The following CHODL variants were observed in gnomAD, a reference collection of about 807,000 sequenced individuals.
CHODL encodes transmembrane protein MT75.
In CHODL, 29 loss-of-function variants were observed where a neutral mutation model predicts 34.5. The ratio of observed to expected loss-of-function variants is 0.84; its 90% CI spans 0.63 to 1.15. The LOEUF (loss-of-function observed/expected upper bound fraction) is 1.15. Among genes scored for constraint, CHODL ranks in the 50% most tolerant of loss-of-function variants. The pLI, the probability that CHODL is intolerant of heterozygous loss-of-function variation, is 0.00. For missense variants in CHODL, 332 were observed against 332.5 expected, an observed-to-expected ratio of 1.00 and a Z score of 0.01; for synonymous variants, 125 against 116.1, an observed-to-expected ratio of 1.08 and a Z score of -0.49.
intron 1 of CHODL, among the ~76,000 whole-genome samples, chr21:18,254,127 T>C (rs1374208052): frequency 1.4e-5 from 2 of 144,324 alleles, no homozygotes; most frequent in African/African-American, 5.6e-5. Flanking sequence ...AGTACAAAGT[T>C]TGAATGCTTT....
At chr21:17,956,288 C>G (rs530485234) in intron 1 of CHODL, among the ~76,000 whole-genome samples, 1 of 124,378 alleles carries the variant, frequency 8.0e-6, no homozygotes, top group Non-Finnish European at 1.8e-5. Flanking sequence ...CACTCTCTCT[C>G]TCATGCTTCT....
chr21:17,960,069 C>T (rs371453036), intron 1 of CHODL, among the ~76,000 whole-genome samples: 22 of 152,124 alleles, frequency 1.4e-4, no homozygotes, highest in African/African-American at 5.1e-4. Context: ...GATGACGTAG[C>T]TGGGTATAAT....
rs150339025 is a variant in CHODL at position 18,265,361 on chromosome 21, C to T, written c.738-593C>T. ...TCATCCATACAAAGGAGTGAATTAA[C>T]GGCATTCACAGCGACCTGGGTAATA... On this transcript the variant is annotated intron_variant, in intron 5 of 5. Transcript: ENST00000299295. 9.9e-3 allele frequency among the ~76,000 whole-genome samples: 1,501 copies of T among 151,074 alleles called. 11 individuals are homozygous for T. The highest frequency in any genetic ancestry group is 0.016 in the Non-Finnish European group (1,092 of 67,828).
intron 1 of CHODL, among the ~76,000 whole-genome samples, chr21:18,252,825 T>C (rs1257451121): frequency 6.6e-6 from 1 of 152,000 alleles, no homozygotes; most frequent in Non-Finnish European, 1.5e-5. Context: ...GCTGTCTTGA[T>C]GCCCTGAGAG....
At chr21:17,945,632 A>G (rs150262492) in intron 1 of CHODL, among the ~76,000 whole-genome samples, 1 of 152,320 alleles carries the variant, frequency 6.6e-6, no homozygotes, top group East Asian at 1.9e-4. Flanking sequence ...AAACCTTTCA[A>G]TCACAGGAAT....
At chr21:18,047,639 T>A (rs1454408860) in intron 2 of CHODL, among the ~76,000 whole-genome samples, 2 of 151,896 alleles carry the variant, frequency 1.3e-5, no homozygotes, top group Non-Finnish European at 2.9e-5. Flanking sequence ...AAAACAACAG[T>A]ACTGGGAAAC....
At chr21:18,106,375 C>T (rs772178193) in intron 2 of CHODL, among the ~76,000 whole-genome samples, 14 of 152,114 alleles carry the variant, frequency 9.2e-5, no homozygotes, top group Non-Finnish European at 1.8e-4. Flanking sequence ...CCTTGAAGGC[C>T]CTTGGTCGGT....
intron 2 of CHODL, among the ~76,000 whole-genome samples, chr21:18,040,043 C>T (rs2064356209): frequency 6.6e-6 from 1 of 151,822 alleles, no homozygotes; most frequent in Non-Finnish European, 1.5e-5. Flanking sequence ...TAACTTCACT[C>T]AGAACATTCT....
In CHODL at chr21:18,267,112, G is replaced by T. The variant is rs1408830697; in HGVS notation, c.*1074G>T. On this transcript the variant is annotated 3_prime_UTR_variant, in exon 6 of 6. Coordinates refer to ENST00000299295, the MANE Select transcript of CHODL (RefSeq NM_024944.3). ...CAGGTGAATAGTCACTATCAGTGTGGAGACAAGCACAGCACACAGACATTT... is the reference window on the plus strand; with the variant it reads ...CAGGTGAATAGTCACTATCAGTGTGTAGACAAGCACAGCACACAGACATTT... The T allele has an allele frequency of 6.6e-6, 1 of 152,232 alleles. No individual in the cohort carries two copies. Among genetic ancestry groups the T allele is most frequent in the Non-Finnish European group, 1.5e-5 (1 of 68,056 alleles). 9.4% of individuals were successfully genotyped at this position (152,232 alleles called of 1,614,324 possible).
At chr21:17,947,834 A>G (rs1046456824) in intron 1 of CHODL, among the ~76,000 whole-genome samples, 3 of 152,164 alleles carry the variant, frequency 2.0e-5, no homozygotes, top group Non-Finnish European at 4.4e-5. Flanking sequence ...ATCATTACAT[A>G]AAAACCGTGC....
chr21:18,053,140 C>T (rs2064536787), intron 2 of CHODL, among the ~76,000 whole-genome samples: 1 of 151,578 alleles, frequency 6.6e-6, no homozygotes. Flanking sequence ...CAGGAAGAGA[C>T]CAATTCTGAA....
chr21:18,090,828 A>T (rs2065064497), intron 2 of CHODL, among the ~76,000 whole-genome samples: 1 of 152,066 alleles, frequency 6.6e-6, no homozygotes, highest in African/African-American at 2.4e-5. Context: ...GTCTCCACTG[A>T]TGGAACACCA....
chr21:18,141,909 T>A (rs1340749473), intron 2 of CHODL, among the ~76,000 whole-genome samples: 1 of 152,082 alleles, frequency 6.6e-6, no homozygotes, highest in African/African-American at 2.4e-5. Flanking sequence ...CAGGTATTAT[T>A]GATTACTGTG....
chr21:18,000,077 C>A (rs75054033), intron 1 of CHODL, among the ~76,000 whole-genome samples: 6 of 152,106 alleles, frequency 3.9e-5, no homozygotes, highest in African/African-American at 1.4e-4. Context: ...ACACTTAAAG[C>A]GATTGCTAAA....
chr21:18,186,222 G>A (rs904215606), intron 2 of CHODL, among the ~76,000 whole-genome samples: 2 of 152,010 alleles, frequency 1.3e-5, no homozygotes, highest in Non-Finnish European at 2.9e-5. Flanking sequence ...TTTAGTTTTT[G>A]CAAAAGTCTC....
chr21:18,112,315 T>C (rs2065360544), intron 2 of CHODL, among the ~76,000 whole-genome samples: 1 of 152,086 alleles, frequency 6.6e-6, no homozygotes, highest in Non-Finnish European at 1.5e-5. Context: ...GAAGAATCAA[T>C]ATTGTTAAAA....
At position 18,110,886 on chromosome 21, in the gene CHODL, C is replaced by CT. The variant is rs974581849; in HGVS notation, c.-45+82924dup. On this transcript the variant is annotated intron_variant, in intron 2 of 6. Coordinates refer to the CHODL transcript ENST00000400127. ...ATTGTGGTAAGCTCATTGTGCTTGA[C>CT]TTTTTTTTTCTTTGTTAGGGTTTAT... Among the ~76,000 whole-genome samples the CT allele has an allele frequency of 6.6e-5, 10 of 151,494 alleles. No individual in the cohort carries two copies. The East Asian group carries it at 7.8e-4, about 12-fold the overall frequency.
intron 2 of CHODL, among the ~76,000 whole-genome samples, chr21:18,160,903 G>A (rs555730652): frequency 1.3e-5 from 2 of 152,228 alleles, no homozygotes; most frequent in Middle Eastern, 3.4e-3. Context: ...TTGAGAAATC[G>A]CCAAACTGTC....
chr21:18,026,679 C>T (rs1336782935), intron 1 of CHODL, among the ~76,000 whole-genome samples: 1 of 152,092 alleles, frequency 6.6e-6, no homozygotes, highest in Non-Finnish European at 1.5e-5. Context: ...TCTTCACATG[C>T]CAAAATTGGT....
Sources: gnomAD v4.1 joint callset for allele counts (sites outside exome capture counted in the v4.1 genomes callset) on GRCh38, gnomAD v4.1.1 for gene constraint, MANE v1.5 for transcripts, NCBI Gene and HGNC (gene_info 2026-07-23, HGNC 2026-07-21) for gene names.